The following TENM3 variants were observed in gnomAD, a reference collection of about 807,000 sequenced individuals.
TENM3 encodes teneurin transmembrane protein 3.
In TENM3, 63 loss-of-function variants were observed where a neutral mutation model predicts 255.1. The observed-to-expected ratio is 0.25, with a 90% confidence interval of 0.20 to 0.30. The LOEUF is 0.30. Among genes scored for constraint, TENM3 ranks in the 10% least tolerant of loss-of-function variants. TENM3 has a pLI of 1.00. For missense variants in TENM3, 2,929 were observed against 3,461.1 expected (o/e 0.85, Z 3.86); for synonymous variants, 1,306 against 1,322.3 (o/e 0.99, Z 0.27).
At chr4:181,737,997 G>T in the TENM3 span, among the ~76,000 whole-genome samples, 2 of 151,520 alleles carry the variant, frequency 1.3e-5, no homozygotes, top group African/African-American at 4.9e-5. Context: ...AGGAAAAATA[G>T]CTGGAAAAAT....
intron 3 of TENM3, among the ~76,000 whole-genome samples, chr4:182,505,057 A>G (rs527996998): frequency 1.1e-4 from 17 of 152,326 alleles, no homozygotes; most frequent in South Asian, 2.1e-4. Flanking sequence ...TGACAAACTC[A>G]TCAGGACTCT....
chr4:182,266,955 G>A (rs1467896415), intron 1 of TENM3, among the ~76,000 whole-genome samples: 1 of 152,060 alleles, frequency 6.6e-6, no homozygotes, highest in East Asian at 1.9e-4. Flanking sequence ...TTTAGAAGGT[G>A]GTTTATAATC....
chr4:181,832,472 A>G, the TENM3 span, among the ~76,000 whole-genome samples: 1 of 152,162 alleles, frequency 6.6e-6, no homozygotes, highest in East Asian at 1.9e-4. Context: ...TCAGTGTTCT[A>G]TTAGCCTAGT....
At chr4:181,541,425 C>G in the TENM3 span, among the ~76,000 whole-genome samples, 1 of 151,944 alleles carries the variant, frequency 6.6e-6, no homozygotes, top group African/African-American at 2.4e-5. Flanking sequence ...AACAATTGAG[C>G]AGCTACTCAA....
Position 182,288,791 on chromosome 4 carries a change from G to A in TENM3, c.-75-35155G>A, listed in dbSNP as rs569081830. 2.3e-4 allele frequency among the ~76,000 whole-genome samples: 35 copies of A among 152,294 alleles called. No individual in the cohort carries two copies. The East Asian group carries it at 3.9e-3, about 17-fold the overall frequency. ...GGCTGTTGCTACCATCAGCCTGGAC[G>A]ACTCATGGAGCACAGGGTGGAATAC... On this transcript the variant is annotated intron_variant, in intron 1 of 27. Transcript: ENST00000511685.
the TENM3 span, among the ~76,000 whole-genome samples, chr4:182,027,477 G>C: frequency 6.6e-6 from 1 of 151,440 alleles, no homozygotes; most frequent in African/African-American, 2.4e-5. Flanking sequence ...CCTCTTGTCT[G>C]ATTGCTCTAG....
At chr4:182,054,268 TC>T in the TENM3 span, among the ~76,000 whole-genome samples, 2,836 of 152,278 alleles carry the variant, frequency 0.019, 94 homozygotes, top group African/African-American at 0.063. Context: ...TCTGATTGAT[TC>T]ACTGTCTTGT....
intron 4 of TENM3, among the ~76,000 whole-genome samples, chr4:182,602,239 G>T (rs892367840): frequency 6.6e-6 from 1 of 152,116 alleles, no homozygotes. Flanking sequence ...TTTCTTCTCT[G>T]CCCCAGGGTT....
chr4:181,593,618 A>G, the TENM3 span, among the ~76,000 whole-genome samples: 591 of 152,304 alleles, frequency 3.9e-3, 3 homozygotes, highest in Middle Eastern at 6.8e-3. Flanking sequence ...TTTTGTTAGT[A>G]TACATATTTT....
intron 1 of TENM3, among the ~76,000 whole-genome samples, chr4:182,291,299 G>A (rs1761108708): frequency 6.6e-6 from 1 of 152,120 alleles, no homozygotes; most frequent in Non-Finnish European, 1.5e-5. Context: ...CTGACCCCAG[G>A]TTGTTTTACA....
At chr4:182,465,242 G>T (rs971688839) in intron 3 of TENM3, among the ~76,000 whole-genome samples, 1 of 152,176 alleles carries the variant, frequency 6.6e-6, no homozygotes, top group African/African-American at 2.4e-5. Context: ...CAGAATGCTT[G>T]TGTCCTCCTA....
chr4:182,717,042 G>A (rs911197134), intron 13 of TENM3, among the ~76,000 whole-genome samples: 12 of 122,450 alleles, frequency 9.8e-5, no homozygotes, highest in South Asian at 3.4e-4. Context: ...AGGAAGTTGC[G>A]TACCATTCCC....
chr4:182,028,652 T>A, the TENM3 span, among the ~76,000 whole-genome samples: 2 of 152,346 alleles, frequency 1.3e-5, no homozygotes, highest in African/African-American at 2.4e-5. Context: ...GTTTCCACTA[T>A]CATTTGTTTC....
the TENM3 span, among the ~76,000 whole-genome samples, chr4:181,931,504 G>A: frequency 1.3e-5 from 2 of 152,010 alleles, no homozygotes; most frequent in Non-Finnish European, 2.9e-5. Flanking sequence ...CACTACTCAA[G>A]GAAATCAGAG....
chr4:182,671,436 A>G (rs948784824), intron 6 of TENM3, among the ~76,000 whole-genome samples: 1 of 152,106 alleles, frequency 6.6e-6, no homozygotes, highest in Non-Finnish European at 1.5e-5. Context: ...ACCTTATCCT[A>G]CCTGTTCCTC....
intron 2 of TENM3, among the ~76,000 whole-genome samples, chr4:182,328,337 T>G (rs1170894250): frequency 1.3e-5 from 2 of 152,192 alleles, no homozygotes; most frequent in East Asian, 1.9e-4. Flanking sequence ...TGCCTCAGCT[T>G]CCCGAGTAGC....
intron 3 of TENM3, among the ~76,000 whole-genome samples, chr4:182,425,522 G>C (rs1361779300): frequency 6.6e-6 from 1 of 152,154 alleles, no homozygotes; most frequent in East Asian, 1.9e-4. Flanking sequence ...TTCCGTTGTA[G>C]TATGTGCTGC....
chr4:181,793,155 T>G, the TENM3 span, among the ~76,000 whole-genome samples: 4 of 152,138 alleles, frequency 2.6e-5, no homozygotes, highest in African/African-American at 9.7e-5. Flanking sequence ...GGGTGAGACT[T>G]CTGTAAACTG....
At chr4:182,726,502 C>T (rs1052778393) in intron 13 of TENM3, among the ~76,000 whole-genome samples, 2 of 152,156 alleles carry the variant, frequency 1.3e-5, no homozygotes, top group African/African-American at 4.8e-5. Flanking sequence ...CACAGCCTCA[C>T]AGAACAAGCC....
Sources: gnomAD v4.1 joint callset for allele counts (sites outside exome capture counted in the v4.1 genomes callset) on GRCh38, gnomAD v4.1.1 for gene constraint, MANE v1.5 for transcripts, NCBI Gene and HGNC (gene_info 2026-07-23, HGNC 2026-07-21) for gene names.